The following ABRAXAS2 variants were observed in gnomAD, a reference collection of about 807,000 sequenced individuals.
ABRAXAS2 encodes the protein abraxas 2, BRISC complex subunit.
In ABRAXAS2, 23 loss-of-function variants were observed where a neutral mutation model predicts 49.0. The ratio of observed to expected loss-of-function variants is 0.47; its 90% CI spans 0.34 to 0.66. The LOEUF (loss-of-function observed/expected upper bound fraction) is 0.66. ABRAXAS2 is among the 30% of genes least tolerant of loss of function. The probability of loss-of-function intolerance (pLI) is 0.01; values close to 1 mark genes in which losing one functional copy is unlikely to be tolerated. For missense variants in ABRAXAS2, 443 were observed against 511.9 expected, an observed-to-expected ratio of 0.87 and a Z score of 1.30; for synonymous variants, 168 against 180.2, an observed-to-expected ratio of 0.93 and a Z score of 0.54.
At chr10:124,822,197 C>G (rs1950865876) in intron 4 of ABRAXAS2, among the ~76,000 whole-genome samples, 1 of 152,118 alleles carries the variant, frequency 6.6e-6, no homozygotes, top group Admixed American at 6.6e-5. Context: ...CGCTTCCATA[C>G]TATGGGAGAT....
chr10:124,832,743 G>A (rs1950940985), intron 8 of ABRAXAS2, among the ~76,000 whole-genome samples: 1 of 151,950 alleles, frequency 6.6e-6, no homozygotes, highest in Non-Finnish European at 1.5e-5. Flanking sequence ...TACTAGGGAG[G>A]CCAAGGCAGG....
chr10:124,819,775 A>C (rs1950849849), intron 4 of ABRAXAS2, among the ~76,000 whole-genome samples: 1 of 151,292 alleles, frequency 6.6e-6, no homozygotes, highest in Admixed American at 6.6e-5. Context: ...CTCCATCTCA[A>C]CTTAAAAAAA....
In ABRAXAS2 at chr10:124,834,699, G is replaced by A. The variant is rs148658914; in HGVS notation, c.976G>A (p.Glu326Lys). 792 of 1,614,024 alleles carry A rather than the reference G, an allele frequency of 4.9e-4. 2 individuals are homozygous for A. Among genetic ancestry groups the A allele is most frequent in the Non-Finnish European group, 6.2e-4 (737 of 1,180,054 alleles). Residue 326 changes from glutamate to lysine, a missense_variant, in exon 9 of 9, where the codon GAA (glutamate) becomes AAA (lysine). This residue lies in a region of ABRAXAS2 where 230 missense variants were observed against 237.0 expected (regional missense o/e 0.97). Coordinates refer to ENST00000298492, the MANE Select transcript of ABRAXAS2 (RefSeq NM_032182.4). ...AAGTACTTTGAGCCACTCTCGCATG[G>A]AAAGGAGTGTCTTTATGCCTCGACC... ...QESTLSHSRM[E>K]RSVFMPRPQA... is the part of the protein sequence containing the mutation.
At position 124,834,711 on chromosome 10, in the gene ABRAXAS2, T is replaced by C; in HGVS notation, c.988T>C (p.Phe330Leu). Residue 330 changes from phenylalanine (F) to leucine (L), a missense_variant, in exon 9 of 9, where the codon TTT becomes CTT. Physicochemically the swap from Phe to Leu is conservative, Grantham distance 22. Around this residue, in one of 3 missense-constraint regions of ABRAXAS2, gnomAD observed 230 missense variants for 237.0 expected, o/e 0.97. Coordinates refer to ENST00000298492, the MANE Select transcript of ABRAXAS2 (RefSeq NM_032182.4). ...CCACTCTCGCATGGAAAGGAGTGTC[T>C]TTATGCCTCGACCTCAAGCTGTGGG... ...LSHSRMERSV[F>L]MPRPQAVGSS... 1 of 1,614,176 alleles carries C rather than the reference T, an allele frequency of 6.2e-7. No homozygotes were observed.
intron 5 of ABRAXAS2, 102 bp from the exon 6 acceptor site, chr10:124,828,654 G>A: frequency 2.6e-6 from 3 of 1,153,526 alleles, no homozygotes; most frequent in Non-Finnish European, 3.6e-6. Context: ...GATTAGAGGT[G>A]TGAGCCACCA....
intron 4 of ABRAXAS2, among the ~76,000 whole-genome samples, chr10:124,819,663 A>G (rs1950848918): frequency 6.6e-6 from 1 of 152,066 alleles, no homozygotes; most frequent in Non-Finnish European, 1.5e-5. Flanking sequence ...AATACCAGCT[A>G]CTAAGGAGGC....
chr10:124,826,546 A>G (rs1328951065), intron 4 of ABRAXAS2, 49 bp from the exon 5 acceptor site: 4 of 1,561,410 alleles, frequency 2.6e-6, no homozygotes, highest in South Asian at 2.3e-5. Flanking sequence ...GGATACATTC[A>G]GAATTAAATT....
rs948285690 is a variant in ABRAXAS2 at position 124,826,460 on chromosome 10, T to G, written c.268-135T>G. ...GTCTGTTTATCCATGCTCCTGCTCA[T>G]GGACGCTTGGGTTGTTCCAGGGTGG... On this transcript the variant is annotated intron_variant, in intron 4 of 8. Transcript: ENST00000298492. The G allele has an allele frequency of 4.0e-6, 3 of 743,492 alleles. No individual in the cohort carries two copies. The African/African-American group carries it at 5.3e-5, about 13-fold the overall frequency. The allele number at this position is 743,492 out of a possible 1,614,324, so 46.1% of individuals were successfully genotyped here. A position where few individuals can be genotyped will look rare whatever the true frequency, so the allele number is the denominator to read the frequency against.
Position 124,826,768 on chromosome 10 carries a change from C to T in ABRAXAS2, c.441C>T (p.Leu147=), listed in dbSNP as rs1281615268. The change falls in exon 5 of 9, where the codon CTC becomes CTT. Residue 147 remains leucine, a synonymous_variant. Transcript: ENST00000298492. The stretch of plus-strand genomic sequence containing the variant: ...CCACTCACGCTTTAGAATATGTGCT[C>T]TTCAGACCAAATAGAAGGTAAAGCT... ...NNSTHALEYV[L]FRPNRRYNQR... is the part of the protein sequence containing the mutation. The T allele has an allele frequency of 3.1e-6, 5 of 1,614,066 alleles. No homozygotes were observed. The Admixed American group carries it at 8.3e-5, about 27-fold the overall frequency.
chr10:124,830,863 A>G (rs747153633), intron 7 of ABRAXAS2, among the ~76,000 whole-genome samples: 4 of 152,256 alleles, frequency 2.6e-5, no homozygotes, highest in Admixed American at 6.5e-5. Flanking sequence ...AATTACACAG[A>G]TGTAGTCTCA....
intron 2 of ABRAXAS2, among the ~76,000 whole-genome samples, chr10:124,808,112 T>C (rs1362118933): frequency 6.6e-6 from 1 of 152,086 alleles, no homozygotes; most frequent in East Asian, 1.9e-4. Context: ...TTCAGGCAGA[T>C]CACCAAACTG....
At chr10:124,807,421 G>C (rs1332993933) in intron 2 of ABRAXAS2, among the ~76,000 whole-genome samples, 1 of 151,904 alleles carries the variant, frequency 6.6e-6, no homozygotes, top group African/African-American at 2.4e-5. Flanking sequence ...GGGAGGCTGA[G>C]GCAGGTGGAT....
rs1269764027 is a variant in ABRAXAS2, at chr10:124,835,047, G to C, written c.*76G>C. ...GAGAGGGTTTTTGAGAACTTAATCT[G>C]GGGGGAGAACTGCTTTCTCAGATAC... On this transcript the variant is annotated 3_prime_UTR_variant, in exon 9 of 9. Transcript: ENST00000298492. 1 of 1,168,496 alleles carries C rather than the reference G, an allele frequency of 8.6e-7. No individual in the cohort carries two copies. Among genetic ancestry groups the C allele is most frequent in the African/African-American group, 1.6e-5 (1 of 64,300 alleles). The allele number at this position is 1,168,496 out of a possible 1,614,324, so 72.4% of individuals were successfully genotyped here.
intron 1 of ABRAXAS2, among the ~76,000 whole-genome samples, chr10:124,802,440 C>T (rs925147267): frequency 1.3e-5 from 2 of 152,164 alleles, no homozygotes; most frequent in Admixed American, 6.5e-5. Flanking sequence ...AGAATGTATA[C>T]AGGAGCGTTC....
At chr10:124,807,079 G>A (rs548150523) in intron 2 of ABRAXAS2, among the ~76,000 whole-genome samples, 158 bp downstream of exon 2, 43 of 152,098 alleles carry the variant, frequency 2.8e-4, no homozygotes, top group East Asian at 1.5e-3. Flanking sequence ...TTGGGAGGCC[G>A]AGGCGGGCGG....
At chr10:124,823,921 G>C (rs1950879205) in intron 4 of ABRAXAS2, among the ~76,000 whole-genome samples, 2 of 152,104 alleles carry the variant, frequency 1.3e-5, no homozygotes, top group African/African-American at 4.8e-5. Flanking sequence ...GTTTTGTTTT[G>C]TTTTGTTTTG....
At chr10:124,831,711 G>A (rs1213119522) in intron 8 of ABRAXAS2, among the ~76,000 whole-genome samples, 18 of 152,014 alleles carry the variant, frequency 1.2e-4, no homozygotes, top group Admixed American at 1.2e-3. Flanking sequence ...GTGGAAATTA[G>A]AATAAATCCC....
chr10:124,806,794 T>A lies in ABRAXAS2; in HGVS notation c.73-37T>A, dbSNP rs1244688862. On this transcript the variant is annotated intron_variant, in intron 1 of 8. Coordinates refer to ENST00000298492, the MANE Select transcript of ABRAXAS2 (RefSeq NM_032182.4). ...TTAATTTCAGTAAAAGTCATTTTTA[T>A]TTTTAGTCTGCAATTATTTTCTTTA... is the stretch of plus-strand genomic sequence containing the variant. 4 of 1,350,140 alleles carry A rather than the reference T, an allele frequency of 3.0e-6. No individual in the cohort carries two copies. In the South Asian group the frequency reaches 5.1e-5, roughly 17 times the overall value. The allele number at this position is 1,350,140 out of a possible 1,614,324, so 83.6% of individuals were successfully genotyped here.
Position 124,832,845 on chromosome 10 carries a change from A to T in ABRAXAS2, c.778+1382A>T, listed in dbSNP as rs1401371356. 2.0e-5 allele frequency among the ~76,000 whole-genome samples: 3 copies of T among 151,382 alleles called. No individual in the cohort carries two copies. The East Asian group carries it at 5.8e-4, about 29-fold the overall frequency. On this transcript the variant is annotated intron_variant, in intron 8 of 8. Coordinates refer to ENST00000298492, the MANE Select transcript of ABRAXAS2 (RefSeq NM_032182.4). ...AGCAACAGAGTGAGACTGTCTCAAAAAAAATAAAATAAAATAAAGAGGCCG... is the reference window on the plus strand; with the variant it reads ...AGCAACAGAGTGAGACTGTCTCAAATAAAATAAAATAAAATAAAGAGGCCG...
Sources: allele counts gnomAD v4.1 joint callset (sites outside exome capture counted in the v4.1 genomes callset), GRCh38; gene constraint gnomAD v4.1.1; regional missense constraint gnomAD v4.1.1; transcripts MANE v1.5; gene names NCBI Gene and HGNC (gene_info 2026-07-23, HGNC 2026-07-21).